Variants in TAOK3 observed in about 807,000 individuals in gnomAD.
The protein encoded by TAOK3 is serine/threonine-protein kinase TAO3.
TAOK3 carries 40 observed loss-of-function variants against 120.4 expected under a neutral mutation model. The observed-to-expected ratio is 0.33, with a 90% CI of 0.26 to 0.43. TAOK3 has a LOEUF of 0.43. TAOK3 is among the 20% of genes least tolerant of loss of function. TAOK3 has a pLI of 1.00. For missense variants in TAOK3, 821 were observed against 1,112.1 expected, an observed-to-expected ratio of 0.74 and a Z score of 3.72; for synonymous variants, 355 against 387.5, an observed-to-expected ratio of 0.92 and a Z score of 0.99.
At chr12:118,199,310 A>G (rs1004625309) in intron 12 of TAOK3, 53 bp from the exon 13 acceptor site, 2 of 1,412,602 alleles carry the variant, frequency 1.4e-6, no homozygotes, top group Non-Finnish European at 2.0e-6. Context: ...TAAAGAGTCA[A>G]TCCATTGACA....
At chr12:118,318,766 G>GAT (rs1429385864) in intron 1 of TAOK3, among the ~76,000 whole-genome samples, 1 of 152,168 alleles carries the variant, frequency 6.6e-6, no homozygotes, top group Non-Finnish European at 1.5e-5. Flanking sequence ...ATGTGAAAGA[G>GAT]ATATGTACTT....
chr12:118,217,797 A>ATATG (rs2038985298), intron 9 of TAOK3, among the ~76,000 whole-genome samples: 1 of 65,264 alleles, frequency 1.5e-5, no homozygotes, highest in South Asian at 5.3e-4. Flanking sequence ...GTATGTATGT[A>ATATG]TGTGTGTGTG....
At chr12:118,204,094 C>T (rs778200913) in intron 11 of TAOK3, among the ~76,000 whole-genome samples, 3 of 151,892 alleles carry the variant, frequency 2.0e-5, no homozygotes, top group African/African-American at 4.8e-5. Flanking sequence ...GGTGAAACCC[C>T]GTCTCTACTA....
intron 9 of TAOK3, among the ~76,000 whole-genome samples, chr12:118,231,137 G>A (rs373115972): frequency 6.6e-6 from 1 of 152,160 alleles, no homozygotes; most frequent in South Asian, 2.1e-4. Flanking sequence ...ACGAATATAG[G>A]AAGTGTATAT....
chr12:118,226,778 G>T (rs1176790448), intron 9 of TAOK3, among the ~76,000 whole-genome samples: 1 of 152,146 alleles, frequency 6.6e-6, no homozygotes, highest in African/African-American at 2.4e-5. Flanking sequence ...GGCTGATACA[G>T]AGAGCATGTA....
intron 11 of TAOK3, among the ~76,000 whole-genome samples, chr12:118,209,773 G>A (rs1179932179): frequency 6.6e-6 from 1 of 151,580 alleles, no homozygotes; most frequent in Non-Finnish European, 1.5e-5. Flanking sequence ...AAGTGCAATG[G>A]CAGGATCTCG....
At chr12:118,227,412 A>G (rs965106649) in intron 9 of TAOK3, among the ~76,000 whole-genome samples, 9 of 151,232 alleles carry the variant, frequency 6.0e-5, no homozygotes, top group Non-Finnish European at 1.0e-4. Context: ...CCATTGTAGC[A>G]ACTCCTCAGT....
chr12:118,329,049 C>G (rs1041637854), intron 1 of TAOK3, among the ~76,000 whole-genome samples: 5 of 152,054 alleles, frequency 3.3e-5, no homozygotes, highest in African/African-American at 9.6e-5. Context: ...TAATGTAGCA[C>G]ACTTAAAGGG....
chr12:118,158,621 C>T (rs1159905160), intron 19 of TAOK3, among the ~76,000 whole-genome samples: 2 of 152,326 alleles, frequency 1.3e-5, no homozygotes, highest in Admixed American at 6.5e-5. Context: ...TCTCCATTAG[C>T]ATGTTCTCTC....
intron 9 of TAOK3, among the ~76,000 whole-genome samples, chr12:118,226,653 T>A (rs1367073974): frequency 6.6e-6 from 1 of 152,198 alleles, no homozygotes; most frequent in Admixed American, 6.5e-5. Flanking sequence ...TTTAGCACAA[T>A]TTGACACTAT....
chr12:118,244,533 C>CTT (rs71069434), intron 4 of TAOK3, among the ~76,000 whole-genome samples: 11 of 123,962 alleles, frequency 8.9e-5, no homozygotes, highest in African/African-American at 2.6e-4. Context: ...TTTTCTTTTT[C>CTT]TTTTTTTTTT....
At position 118,324,450 on chromosome 12, in the gene TAOK3, T is replaced by C. The variant is rs944234600; in HGVS notation, c.-194+48198A>G. 4.6e-5 allele frequency among the ~76,000 whole-genome samples: 7 copies of C among 152,288 alleles called. No homozygotes were observed. The East Asian group carries it at 1.4e-3, about 29-fold the overall frequency. On this transcript the variant is annotated intron_variant, in intron 1 of 20. Coordinates refer to ENST00000392533, the MANE Select transcript of TAOK3 (RefSeq NM_016281.4). ...TGGTTATTGTTGACTGGAATCACTCTCTTGTGCTATCAAATACTAGATCTT... is the reference window on the plus strand; with the variant it reads ...TGGTTATTGTTGACTGGAATCACTCCCTTGTGCTATCAAATACTAGATCTT...
chr12:118,318,205 TG>T (rs1198988278), intron 1 of TAOK3, among the ~76,000 whole-genome samples: 1 of 151,272 alleles, frequency 6.6e-6, no homozygotes, highest in Non-Finnish European at 1.5e-5. Flanking sequence ...GTCACCAGGC[TG>T]GAGCGCAATG....
chr12:118,366,918 C>A (rs1183288950), intron 1 of TAOK3, among the ~76,000 whole-genome samples: 1 of 152,158 alleles, frequency 6.6e-6, no homozygotes, highest in Non-Finnish European at 1.5e-5. Flanking sequence ...GGTGAAACCC[C>A]ATCTCTACTA....
chr12:118,156,041 TAACA>T (rs1240615474), intron 19 of TAOK3, among the ~76,000 whole-genome samples: 8 of 152,222 alleles, frequency 5.3e-5, no homozygotes, highest in Admixed American at 2.0e-4. Flanking sequence ...CCATTTTATA[TAACA>T]AACATTCATT....
intron 9 of TAOK3, among the ~76,000 whole-genome samples, chr12:118,226,970 C>T (rs1433585580): frequency 6.6e-6 from 1 of 152,004 alleles, no homozygotes; most frequent in East Asian, 1.9e-4. Context: ...TGATGATGAT[C>T]TTGAATCATC....
chr12:118,308,530 T>C (rs78673489), intron 1 of TAOK3, among the ~76,000 whole-genome samples: 3,099 of 152,276 alleles, frequency 0.02, 108 homozygotes, highest in African/African-American at 0.071. Flanking sequence ...TTTATGAGTG[T>C]CATCTGACTC....
intron 1 of TAOK3, among the ~76,000 whole-genome samples, chr12:118,368,436 G>A (rs1266063264): frequency 6.6e-6 from 1 of 151,638 alleles, no homozygotes; most frequent in African/African-American, 2.4e-5. Flanking sequence ...GACTTCAGGT[G>A]ATTCACCCGC....
chr12:118,176,699 A>T (rs1330838926), intron 16 of TAOK3, among the ~76,000 whole-genome samples: 2 of 152,210 alleles, frequency 1.3e-5, no homozygotes, highest in African/African-American at 2.4e-5. Context: ...TAAAAAAATA[A>T]ATAAATAAAT....
Sources: gnomAD v4.1 joint callset for allele counts (sites outside exome capture counted in the v4.1 genomes callset) on GRCh38, gnomAD v4.1.1 for gene constraint, MANE v1.5 for transcripts, NCBI Gene and HGNC (gene_info 2026-07-23, HGNC 2026-07-21) for gene names.